Variants in CPVL observed in about 807,000 individuals in gnomAD.
CPVL encodes carboxypeptidase vitellogenic like.
CPVL carries 51 observed loss-of-function variants against 63.7 expected under a neutral mutation model. That is an observed-to-expected ratio of 0.80 (90% CI 0.64 to 1.01). CPVL has a LOEUF of 1.01. Ranked by LOEUF, CPVL falls within the 50% of genes least tolerant of loss-of-function variation. The pLI is 0.00. For missense variants in CPVL, 530 were observed against 573.1 expected, an observed-to-expected ratio of 0.92 and a Z score of 0.77; for synonymous variants, 195 against 206.0, an observed-to-expected ratio of 0.95 and a Z score of 0.46.
At chr7:29,008,173 TG>T (rs1437790319) in intron 12 of CPVL, among the ~76,000 whole-genome samples, 1 of 152,092 alleles carries the variant, frequency 6.6e-6, no homozygotes, top group East Asian at 1.9e-4. Flanking sequence ...TCTGGGTGCA[TG>T]TTTGGGGGAT....
intron 12 of CPVL, among the ~76,000 whole-genome samples, chr7:29,016,536 G>A (rs1026666564): frequency 6.6e-6 from 1 of 152,104 alleles, no homozygotes; most frequent in African/African-American, 2.4e-5. Flanking sequence ...GGTTTCCCTA[G>A]ATGTAACCTC....
intron 7 of CPVL, among the ~76,000 whole-genome samples, chr7:29,085,145 CT>C (rs1187589013): frequency 2.0e-5 from 3 of 152,196 alleles, no homozygotes; most frequent in Admixed American, 6.5e-5. Flanking sequence ...TTAGCACTTG[CT>C]TTTTAAATGC....
intron 11 of CPVL, among the ~76,000 whole-genome samples, chr7:29,061,517 T>A (rs1448387023): frequency 6.6e-6 from 1 of 152,188 alleles, no homozygotes; most frequent in African/African-American, 2.4e-5. Context: ...AGTTTAAATA[T>A]CAAAATGCAG....
At chr7:29,137,003 A>G (rs1318802379) in intron 1 of CPVL, among the ~76,000 whole-genome samples, 2 of 152,092 alleles carry the variant, frequency 1.3e-5, no homozygotes, top group Non-Finnish European at 2.9e-5. Context: ...CCAGTTCTTT[A>G]TTGTGACTTG....
intron 9 of CPVL, among the ~76,000 whole-genome samples, chr7:29,066,555 G>A (rs1783155440): frequency 6.6e-6 from 1 of 152,212 alleles, no homozygotes; most frequent in Non-Finnish European, 1.5e-5. Flanking sequence ...TATTGGATGA[G>A]AGGAATAGAG....
chr7:29,065,977 CA>C, intron 10 of CPVL, 45 bp downstream of exon 10: 1 of 1,242,850 alleles, frequency 8.0e-7, no homozygotes, highest in East Asian at 2.3e-5. Context: ...TCGGTTTTGC[CA>C]AAAGTTTTAA....
At chr7:29,099,088 A>G (rs1786777738) in intron 3 of CPVL, among the ~76,000 whole-genome samples, 1 of 152,104 alleles carries the variant, frequency 6.6e-6, no homozygotes, top group Non-Finnish European at 1.5e-5. Context: ...ATAATAATAA[A>G]TAAAATAAAA....
chr7:29,026,138 A>C (rs1036765324), intron 12 of CPVL, among the ~76,000 whole-genome samples: 23 of 152,182 alleles, frequency 1.5e-4, no homozygotes, highest in African/African-American at 5.5e-4. Context: ...ACTACAATGG[A>C]ATTAAACTAG....
intron 6 of CPVL, among the ~76,000 whole-genome samples, chr7:29,090,312 C>T (rs1785639048): frequency 6.6e-6 from 1 of 152,216 alleles, no homozygotes; most frequent in Admixed American, 6.5e-5. Context: ...GGAGCCTCTT[C>T]TGCATTCACT....
intron 3 of CPVL, among the ~76,000 whole-genome samples, chr7:29,104,570 T>C (rs938445884): frequency 6.6e-6 from 1 of 152,198 alleles, no homozygotes; most frequent in East Asian, 1.9e-4. Flanking sequence ...CTCAAAATCT[T>C]TTTTTGTTTT....
chr7:29,112,605 A>ATT, intron 3 of CPVL, 99 bp downstream of exon 3: 1 of 723,410 alleles, frequency 1.4e-6, no homozygotes. Flanking sequence ...AATCTATGAG[A>ATT]TTTTTTTTTA....
At chr7:28,996,084 G>A in intron 12 of CPVL, 1 of 486,650 alleles carries the variant, frequency 2.1e-6, no homozygotes, top group Non-Finnish European at 3.6e-6. Flanking sequence ...AAGTTTTAAA[G>A]CTTAGTTAAT....
At chr7:29,052,379 C>G (rs1330966486) in intron 11 of CPVL, among the ~76,000 whole-genome samples, 1 of 145,804 alleles carries the variant, frequency 6.9e-6, no homozygotes, top group Admixed American at 6.9e-5. Context: ...CAATAACCAA[C>G]TCGAGTATTA....
intron 12 of CPVL, chr7:29,011,463 T>TA (rs1380095769): frequency 1.3e-5 from 2 of 152,238 alleles, no homozygotes; most frequent in Non-Finnish European, 2.9e-5. Flanking sequence ...TGGTCCCAGA[T>TA]ACCTGGGATG....
chr7:29,020,453 C>T (rs984231973), intron 12 of CPVL, among the ~76,000 whole-genome samples: 3 of 151,906 alleles, frequency 2.0e-5, no homozygotes, highest in East Asian at 1.9e-4. Flanking sequence ...ATTTTTTCTT[C>T]GTTATATGTA....
intron 12 of CPVL, chr7:29,010,824 A>G (rs1583973000): frequency 6.6e-6 from 1 of 152,196 alleles, no homozygotes; most frequent in Non-Finnish European, 1.5e-5. Flanking sequence ...ATTTATAAGC[A>G]TTATCTCAAT....
intron 7 of CPVL, among the ~76,000 whole-genome samples, chr7:29,074,817 T>C (rs888282827): frequency 1.3e-5 from 2 of 150,328 alleles, no homozygotes; most frequent in African/African-American, 4.9e-5. Flanking sequence ...GACACAAAAA[T>C]GAATAAAGCA....
At chr7:29,074,093 C>T (rs560524983) in intron 7 of CPVL, among the ~76,000 whole-genome samples, 1 of 152,306 alleles carries the variant, frequency 6.6e-6, no homozygotes, top group Non-Finnish European at 1.5e-5. Flanking sequence ...AAGATGAGGA[C>T]ACTGAGGCTC....
At chr7:29,081,999 T>C (rs1010980986) in intron 7 of CPVL, among the ~76,000 whole-genome samples, 11 of 152,218 alleles carry the variant, frequency 7.2e-5, no homozygotes, top group Non-Finnish European at 7.4e-5. Flanking sequence ...TGCATTTACA[T>C]TGAAAAGCAG....
Sources: gnomAD v4.1 joint callset for allele counts (sites outside exome capture counted in the v4.1 genomes callset) on GRCh38, gnomAD v4.1.1 for gene constraint, MANE v1.5 for transcripts, NCBI Gene and HGNC (gene_info 2026-07-23, HGNC 2026-07-21) for gene names.